The following INPP5A variants were observed in gnomAD, a reference collection of about 807,000 sequenced individuals.
The protein encoded by INPP5A is inositol polyphosphate-5-phosphatase A.
Under a neutral mutation model 65.2 loss-of-function variants are expected in INPP5A, and 14 were observed. The observed-to-expected ratio is 0.21, with a 90% CI of 0.14 to 0.34. INPP5A has a LOEUF of 0.34. Ranked by LOEUF, INPP5A falls within the 10% of genes least tolerant of loss-of-function variation. The pLI is 1.00. For missense variants in INPP5A, 431 were observed against 545.6 expected (o/e 0.79, Z 2.09); for synonymous variants, 207 against 208.3 (o/e 0.99, Z 0.05).
At chr10:132,708,484 C>T (rs777135055) in intron 7 of INPP5A, 119 bp downstream of exon 7, 2 of 985,534 alleles carry the variant, frequency 2.0e-6, no homozygotes, top group Admixed American at 1.7e-5. Flanking sequence ...TGAGGACCCC[C>T]AGCTGCCTGA....
intron 8 of INPP5A, among the ~76,000 whole-genome samples, chr10:132,711,652 C>T (rs1042058534): frequency 1.6e-4 from 24 of 152,252 alleles, no homozygotes; most frequent in Admixed American, 7.2e-4. Flanking sequence ...CTGCCCTGCG[C>T]CTCGCCCACC....
At chr10:132,655,316 G>A (rs1006835855) in intron 4 of INPP5A, among the ~76,000 whole-genome samples, 13 of 152,174 alleles carry the variant, frequency 8.5e-5, no homozygotes, top group Admixed American at 3.3e-4. Context: ...TAGCCCCGCC[G>A]TGGAGGTCTC....
In INPP5A at chr10:132,759,391, A is replaced by C. The variant is rs185751976; in HGVS notation, c.904-6382A>C. Reference sequence around the variant, plus strand: ...CATGCCAGACAGAAGCTGTGGCCACACTCCGTGGCTTCTGCCTCAGGAACT... The same window carrying C: ...CATGCCAGACAGAAGCTGTGGCCACCCTCCGTGGCTTCTGCCTCAGGAACT... On this transcript the variant is annotated intron_variant, in intron 11 of 15. Transcript: ENST00000368594. 1.1e-3 allele frequency among the ~76,000 whole-genome samples: 170 copies of C among 152,146 alleles called. 1 individual carries two copies. Among genetic ancestry groups the C allele is most frequent in the African/African-American group, 4.0e-3 (164 of 41,506 alleles).
At chr10:132,585,182 C>A (rs2071532081) in intron 1 of INPP5A, among the ~76,000 whole-genome samples, 3 of 152,178 alleles carry the variant, frequency 2.0e-5, no homozygotes, top group African/African-American at 7.2e-5. Context: ...AGTCATGTAA[C>A]TGAGCCAAAA....
At chr10:132,670,173 G>T (rs1389455538) in intron 4 of INPP5A, among the ~76,000 whole-genome samples, 1 of 98,844 alleles carries the variant, frequency 1.0e-5, no homozygotes, top group Non-Finnish European at 2.0e-5. Context: ...CCCAGAACCT[G>T]CACCTGACCC....
At chr10:132,766,531 T>G (rs1846848253) in intron 12 of INPP5A, among the ~76,000 whole-genome samples, 1 of 152,012 alleles carries the variant, frequency 6.6e-6, no homozygotes, top group African/African-American at 2.4e-5. Context: ...CAGATGTGCG[T>G]GGGGCGTGCG....
intron 4 of INPP5A, among the ~76,000 whole-genome samples, chr10:132,664,287 A>G (rs2072774991): frequency 6.6e-6 from 1 of 152,196 alleles, no homozygotes; most frequent in Non-Finnish European, 1.5e-5. Context: ...ATGATTTTGA[A>G]GGAGACCGAA....
intron 4 of INPP5A, among the ~76,000 whole-genome samples, chr10:132,679,670 T>C (rs1156312374): frequency 1.3e-5 from 2 of 152,140 alleles, no homozygotes; most frequent in African/African-American, 4.8e-5. Context: ...TGGATTATAT[T>C]TAAAAATTAA....
chr10:132,597,079 GTGTGTGTATGTGTGCATGTGTTTGCA>G (rs1196748019), intron 1 of INPP5A, among the ~76,000 whole-genome samples: 1 of 151,612 alleles, frequency 6.6e-6, no homozygotes, highest in African/African-American at 2.4e-5. Context: ...ACGTGTGTGC[GTGTGTGTATGTGTGCATGTGTTTGCA>G]TGTGTGTGCA....
intron 11 of INPP5A, among the ~76,000 whole-genome samples, chr10:132,752,430 G>A (rs1175973164): frequency 3.5e-5 from 5 of 142,554 alleles, no homozygotes; most frequent in Non-Finnish European, 4.6e-5. Flanking sequence ...ATGGAGGGGC[G>A]TGTGATGTGG....
intron 11 of INPP5A, among the ~76,000 whole-genome samples, chr10:132,760,754 G>A (rs566127222): frequency 2.6e-5 from 4 of 152,162 alleles, no homozygotes; most frequent in Admixed American, 6.5e-5. Context: ...GAGGACGCTC[G>A]GTTTCCCATC....
At chr10:132,728,908 G>T (rs1846033426) in intron 9 of INPP5A, among the ~76,000 whole-genome samples, 2 of 152,194 alleles carry the variant, frequency 1.3e-5, no homozygotes, top group South Asian at 4.1e-4. Context: ...GCAGTGGGAA[G>T]CCTGGGCTCC....
At chr10:132,767,363 A>G (rs1344410390) in intron 12 of INPP5A, among the ~76,000 whole-genome samples, 1 of 152,060 alleles carries the variant, frequency 6.6e-6, no homozygotes, top group African/African-American at 2.4e-5. Flanking sequence ...TTGGGGACAC[A>G]GGCTTTCCTG....
rs573708020 is a variant in INPP5A, at chr10:132,741,740, CAAT to C, written c.733-7775_733-7773del. Among the ~76,000 whole-genome samples the C allele has an allele frequency of 3.4e-5, 2 of 58,210 alleles. No homozygotes were observed. The highest frequency in any genetic ancestry group is 8.8e-5 in the African/African-American group (2 of 22,682). 38.2% of individuals were successfully genotyped at this position (58,210 alleles called of 152,430 possible). On this transcript the variant is annotated intron_variant, in intron 9 of 15. Transcript: ENST00000368594. The surrounding 1 kb of genome is among the most constrained non-coding windows in gnomAD (Gnocchi z 4.4). Reference sequence around the variant, plus strand: ...AGTATCTGTGTCCGCTTGCTTTACTCAATAGCCGACGTAAACTGAGGTGGACGT... The same window carrying C: ...AGTATCTGTGTCCGCTTGCTTTACTCAGCCGACGTAAACTGAGGTGGACGT...
chr10:132,736,766 G>C (rs1265064462), intron 9 of INPP5A, among the ~76,000 whole-genome samples: 1 of 152,224 alleles, frequency 6.6e-6, no homozygotes, highest in Non-Finnish European at 1.5e-5. Flanking sequence ...CGTCCTGGGA[G>C]GAGGAGCAGC....
chr10:132,588,683 T>C (rs1182713565), intron 1 of INPP5A, among the ~76,000 whole-genome samples: 5 of 152,230 alleles, frequency 3.3e-5, no homozygotes, highest in Non-Finnish European at 7.3e-5. Flanking sequence ...CAGTGCTTTT[T>C]TTTTAAATGA....
chr10:132,592,461 G>A (rs1292151849), intron 1 of INPP5A, among the ~76,000 whole-genome samples: 1 of 152,216 alleles, frequency 6.6e-6, no homozygotes, highest in East Asian at 1.9e-4. Flanking sequence ...TGTGGCCCAG[G>A]CTGGAGTGCA....
intron 9 of INPP5A, among the ~76,000 whole-genome samples, chr10:132,735,332 G>A (rs1430255803): frequency 6.6e-6 from 1 of 152,266 alleles, no homozygotes; most frequent in Non-Finnish European, 1.5e-5. Flanking sequence ...ACGCGGTTCT[G>A]AAGGTTTGTG....
At chr10:132,629,686 G>T (rs1043904513) in intron 2 of INPP5A, among the ~76,000 whole-genome samples, 1 of 152,226 alleles carries the variant, frequency 6.6e-6, no homozygotes, top group African/African-American at 2.4e-5. Flanking sequence ...TTCTCCACAT[G>T]CATTCCACAC....
Sources: gnomAD v4.1 joint callset for allele counts (sites outside exome capture counted in the v4.1 genomes callset) on GRCh38, gnomAD v4.1.1 for gene constraint, Gnocchi (gnomAD v3.1) non-coding constraint, MANE v1.5 for transcripts, NCBI Gene and HGNC (gene_info 2026-07-23, HGNC 2026-07-21) for gene names.